SCN10A: variants seen among roughly 807,000 people sequenced by gnomAD.
SCN10A encodes sodium channel protein type 10 subunit alpha.
SCN10A carries 162 observed loss-of-function variants against 170.7 expected under a neutral mutation model. The ratio of observed to expected loss-of-function variants is 0.95; its 90% CI spans 0.84 to 1.08. SCN10A has a LOEUF of 1.08. Among genes scored for constraint, SCN10A ranks in the 50% least tolerant of loss-of-function variants. SCN10A has a pLI of 0.00. For synonymous variants in SCN10A, 985 were observed against 904.6 expected (o/e 1.09, Z -1.59); for missense variants, 2,527 against 2,436.9 (o/e 1.04, Z -0.78).
intron 26 of SCN10A, among the ~76,000 whole-genome samples, chr3:38,706,056 G>A (rs1019506591): frequency 6.6e-6 from 1 of 152,132 alleles, no homozygotes; most frequent in Non-Finnish European, 1.5e-5. Flanking sequence ...AGAAAGCTGT[G>A]CCCCTACAGA....
intron 1 of SCN10A, among the ~76,000 whole-genome samples, chr3:38,814,676 C>G (rs1235295583): frequency 2.6e-5 from 4 of 152,142 alleles, no homozygotes; most frequent in African/African-American, 9.7e-5. Context: ...GGGGCAAAAA[C>G]ATGCTAATGT....
At chr3:38,803,993 A>G (rs913763034) in intron 1 of SCN10A, among the ~76,000 whole-genome samples, 9 of 152,022 alleles carry the variant, frequency 5.9e-5, no homozygotes, top group African/African-American at 2.4e-5. Flanking sequence ...TCTTGATTGG[A>G]CTGCTATTAT....
intron 11 of SCN10A, among the ~76,000 whole-genome samples, 153 bp from the exon 12 acceptor site, chr3:38,752,665 AG>A (rs1259551198): frequency 1.3e-5 from 2 of 152,186 alleles, no homozygotes; most frequent in East Asian, 3.8e-4. Context: ...GGGGTATTCT[AG>A]GTATGCATGG....
In SCN10A at chr3:38,698,025, C is replaced by T. The variant is rs762945483; in HGVS notation, c.5195G>A (p.Ser1732Asn). 3 of 1,614,042 alleles carry T rather than the reference C, an allele frequency of 1.9e-6. No individual in the cohort carries two copies. The highest frequency in any genetic ancestry group is 1.7e-6 in the Non-Finnish European group (2 of 1,180,032). The part of the protein sequence containing the change: ...LENFNVATEE[S>N]TEPLSEDDFD... ...GTCGTCCTCACTCAGGGGCTCAGTG[C>T]TCTCCTCCGTGGCCACATTGAAGTT... is the stretch of plus-strand genomic sequence containing the variant. Residue 1732 changes from serine (S) to asparagine (N), a missense_variant, in exon 28 of 28, where the codon AGC becomes AAC. Transcript: ENST00000449082.
rs138792429 is a variant in SCN10A at position 38,757,081 on chromosome 3, A to G, written c.1029T>C (p.Ala343=). ...DFNYTSFDSF[A]WAFLSLFRLM... ...GGCGGAACAGTGAGAGGAAAGCCCA[A>G]GCAAAGGAATCAAAGCTGGTGTAGT... is the stretch of plus-strand genomic sequence containing the variant. Residue 343 remains alanine, a synonymous_variant, in exon 9 of 28, where the codon GCT becomes GCC. Coordinates refer to ENST00000449082, the MANE Select transcript of SCN10A (RefSeq NM_006514.4). 11 of 1,613,860 alleles carry G rather than the reference A, an allele frequency of 6.8e-6. No homozygotes were observed. Among genetic ancestry groups the G allele is most frequent in the Non-Finnish European group, 8.5e-6 (10 of 1,179,932 alleles).
At chr3:38,809,150 T>A (rs1575188959) in intron 1 of SCN10A, among the ~76,000 whole-genome samples, 1 of 152,222 alleles carries the variant, frequency 6.6e-6, no homozygotes, top group African/African-American at 2.4e-5. Context: ...TGCAGACAGG[T>A]TGACTTTGCA....
In SCN10A at chr3:38,761,210, A is replaced by G; in HGVS notation, c.865T>C (p.Tyr289His). ...NDMAVNETTN[Y>H]SSHRKPDIYI... is the part of the protein sequence containing the mutation. ...CACTCACGTTTTCTGTGAGATGAGT[A>G]GTTGGTTGTCTCATTGACAGCCATG... is the stretch of plus-strand genomic sequence containing the variant. Residue 289 changes from tyrosine to histidine, a missense_variant, in exon 7 of 28, where the codon TAC becomes CAC. Transcript: ENST00000449082. 2 of 1,607,422 alleles carry G rather than the reference A, an allele frequency of 1.2e-6. No homozygotes were observed. The highest frequency in any genetic ancestry group is 4.5e-5 in the East Asian group (2 of 44,878).
intron 23 of SCN10A, among the ~76,000 whole-genome samples, chr3:38,711,566 G>T (rs1212708296): frequency 6.6e-6 from 1 of 152,220 alleles, no homozygotes; most frequent in Non-Finnish European, 1.5e-5. Context: ...GCTACTCAGA[G>T]ATTATTTGTT....
At chr3:38,730,527 C>G (rs2063503777) in intron 15 of SCN10A, among the ~76,000 whole-genome samples, 1 of 152,024 alleles carries the variant, frequency 6.6e-6, no homozygotes, top group Non-Finnish European at 1.5e-5. Flanking sequence ...CTTGAAGAAA[C>G]CACAGATGTG....
In SCN10A at chr3:38,712,238, T is replaced by C. The variant is rs1269747297; in HGVS notation, c.4012A>G (p.Thr1338Ala). ...ACATTGACCCAGAAGAAGCTGCCAG[T>C]GGAGTTTTGAATCTTGCAGTCAGAC... ...NKSDCKIQNS[T>A]GSFFWVNVKV... The change falls in exon 23 of 28, where the codon ACT becomes GCT. Residue 1338 changes from threonine to alanine, a missense_variant. Physicochemically the swap from Thr to Ala is moderately conservative, Grantham distance 58 (BLOSUM62 0). Transcript: ENST00000449082. 1 of 1,614,094 alleles carries C rather than the reference T, an allele frequency of 6.2e-7. No individual in the cohort carries two copies. The highest frequency in any genetic ancestry group is 1.3e-5 in the African/African-American group (1 of 74,942).
chr3:38,755,642 G>A lies in SCN10A; in HGVS notation c.1461+146C>T. 4 of 842,294 alleles carry A rather than the reference G, an allele frequency of 4.7e-6. No individual in the cohort carries two copies. The South Asian group carries it at 5.1e-5, about 11-fold the overall frequency. The allele number at this position is 842,294 out of a possible 1,614,324, so 52.2% of individuals were successfully genotyped here. On this transcript the variant is annotated intron_variant, in intron 11 of 27. Transcript: ENST00000449082. Reference sequence around the variant, plus strand: ...CTATAATTACACTTTCCTAGTTTAAGACACCATTTTGGAGGGGTGTCTGGA... The same window carrying A: ...CTATAATTACACTTTCCTAGTTTAAAACACCATTTTGGAGGGGTGTCTGGA...
At chr3:38,794,175 T>C in intron 1 of SCN10A, 133 bp from the exon 2 acceptor site, 1 of 642,946 alleles carries the variant, frequency 1.6e-6, no homozygotes, top group Non-Finnish European at 2.7e-6. Context: ...GAACTCACAC[T>C]TGGCTCCTCC....
intron 4 of SCN10A, among the ~76,000 whole-genome samples, chr3:38,784,018 A>G (rs1274646605): frequency 1.3e-5 from 2 of 152,104 alleles, no homozygotes; most frequent in Admixed American, 6.6e-5. Context: ...TAAAGTGCCT[A>G]TTCAAATTTT....
intron 12 of SCN10A, among the ~76,000 whole-genome samples, 174 bp from the exon 13 acceptor site, chr3:38,750,358 T>G (rs557574984): frequency 6.6e-6 from 1 of 152,384 alleles, no homozygotes; most frequent in South Asian, 2.1e-4. Flanking sequence ...GTGAATATCC[T>G]ACATTGTATT....
intron 11 of SCN10A, among the ~76,000 whole-genome samples, chr3:38,754,044 G>A (rs965110543): frequency 3.9e-5 from 6 of 152,178 alleles, no homozygotes; most frequent in African/African-American, 1.4e-4. Flanking sequence ...ATGCCTTCCT[G>A]AGTGGGCTCC....
rs187765626 is a variant in SCN10A, at chr3:38,751,966, T to C, written c.1755+253A>G. ...GGGACAGAGAAGCACTGATAAGAAATATGGGGTCAAATGGAATATAATTTG... is the reference window on the plus strand; with the variant it reads ...GGGACAGAGAAGCACTGATAAGAAACATGGGGTCAAATGGAATATAATTTG... On this transcript the variant is annotated intron_variant, in intron 12 of 27. Transcript: ENST00000449082. 2.6e-5 allele frequency among the ~76,000 whole-genome samples: 4 copies of C among 152,024 alleles called. No homozygotes were observed. The East Asian group carries it at 7.8e-4, about 30-fold the overall frequency.
At chr3:38,799,844 T>A (rs2064361221) in intron 1 of SCN10A, among the ~76,000 whole-genome samples, 1 of 152,174 alleles carries the variant, frequency 6.6e-6, no homozygotes, top group Non-Finnish European at 1.5e-5. Context: ...GAGGGCCAAC[T>A]GATGACTTAA....
At chr3:38,800,186 C>A (rs1332582070) in intron 1 of SCN10A, among the ~76,000 whole-genome samples, 1 of 152,160 alleles carries the variant, frequency 6.6e-6, no homozygotes, top group Non-Finnish European at 1.5e-5. Flanking sequence ...GTTCTTAGTT[C>A]TCTGCAGTAA....
At chr3:38,779,350 G>A (rs1396123104) in intron 4 of SCN10A, among the ~76,000 whole-genome samples, 1 of 152,010 alleles carries the variant, frequency 6.6e-6, no homozygotes, top group Non-Finnish European at 1.5e-5. Context: ...GGGCAGCACT[G>A]ACATTCTAAC....
Sources: allele counts gnomAD v4.1 joint callset (sites outside exome capture counted in the v4.1 genomes callset), GRCh38; gene constraint gnomAD v4.1.1; transcripts MANE v1.5; gene names NCBI Gene and HGNC (gene_info 2026-07-23, HGNC 2026-07-21).